TOMM40: variants seen among roughly 807,000 people sequenced by gnomAD.
TOMM40 encodes translocase of outer mitochondrial membrane 40, also known as mitochondrial import receptor subunit TOM40 homolog.
TOMM40 carries 9 observed loss-of-function variants against 38.4 expected under a neutral mutation model. The ratio of observed to expected loss-of-function variants is 0.23; its 90% CI spans 0.14 to 0.41. The LOEUF (loss-of-function observed/expected upper bound fraction) is 0.41. Among genes scored for constraint, TOMM40 ranks in the 10% least tolerant of loss-of-function variants. The pLI is 1.00. For missense variants in TOMM40, 299 were observed against 486.5 expected, an observed-to-expected ratio of 0.61 and a Z score of 3.63; for synonymous variants, 184 against 210.0, an observed-to-expected ratio of 0.88 and a Z score of 1.07.
chr19:44,896,360 C>T (rs961396829), intron 5 of TOMM40, among the ~76,000 whole-genome samples: 1 of 152,200 alleles, frequency 6.6e-6, no homozygotes, highest in African/African-American at 2.4e-5. Flanking sequence ...TCCAGCCCTT[C>T]TGGGCTTCAG....
At position 44,892,857 on chromosome 19, in the gene TOMM40, C is replaced by T. The variant is rs767132298; in HGVS notation, c.363C>T (p.Leu121=). The T allele has an allele frequency of 7.4e-6, 12 of 1,613,852 alleles. No individual in the cohort carries two copies. In the South Asian group the frequency reaches 1.2e-4, roughly 16 times the overall value. Residue 121 remains leucine (L), a synonymous_variant, in exon 3 of 9, where the codon CTC becomes CTT. Transcript: ENST00000426677. ...TCCAGGTCAACCACACAGTAGCCCT[C>T]AGCACAATCGGGGAGTCCAACTACC... The part of the protein sequence containing the change: ...NHFQVNHTVA[L]STIGESNYHF...
In TOMM40 at chr19:44,891,254, C is replaced by A. The variant is rs954368773; in HGVS notation, c.-162C>A. ...GTGGTGGCGGCGGCGGCAGCGGGTT[C>A]GGTTGCGCGTGGCGCACGGGGTGGG... On this transcript the variant is annotated 5_prime_UTR_variant, in exon 1 of 9. Transcript: ENST00000426677. 1.3e-4 allele frequency: 143 copies of A among 1,061,390 alleles called. No homozygotes were observed. The East Asian group carries it at 4.8e-3, about 36-fold the overall frequency. 65.7% of individuals were successfully genotyped at this position (1,061,390 alleles called of 1,614,324 possible). A position where few individuals can be genotyped will look rare whatever the true frequency, so the allele number is the denominator to read the frequency against.
chr19:44,892,452 C>T lies in TOMM40; in HGVS notation c.334C>T (p.His112Tyr), dbSNP rs746102403. The change falls in exon 2 of 9, where the codon CAT becomes TAT. Residue 112 changes from histidine to tyrosine, a missense_variant. Transcript: ENST00000426677. Reference sequence around the variant, plus strand: ...CACAGTCAACAAAGGGTTGAGTAACCATTTTCAGGTGAGCCTTCCTGGTGT... The same window carrying T: ...CACAGTCAACAAAGGGTTGAGTAACTATTTTCAGGTGAGCCTTCCTGGTGT... ...KLTVNKGLSN[H>Y]FQVNHTVALS... The T allele has an allele frequency of 4.0e-5, 64 of 1,612,482 alleles. No individual in the cohort carries two copies. In the Admixed American group the frequency reaches 1.1e-3, roughly 26 times the overall value.
chr19:44,896,809 C>T (rs111690906), intron 5 of TOMM40, among the ~76,000 whole-genome samples: 1 of 152,138 alleles, frequency 6.6e-6, no homozygotes, highest in Non-Finnish European at 1.5e-5. Flanking sequence ...AATCCCAGCA[C>T]TTTGGGAGGC....
chr19:44,902,836 G>T, intron 8 of TOMM40, 194 bp from the exon 9 acceptor site: 1 of 642,950 alleles, frequency 1.6e-6, no homozygotes, highest in Non-Finnish European at 2.5e-6. Context: ...GGGTCACTGA[G>T]CGGAGAGCAG....
rs755296037 is a variant in TOMM40 at position 44,891,719 on chromosome 19, C to A, written c.274+30C>A. 70 of 1,415,356 alleles carry A rather than the reference C, an allele frequency of 4.9e-5. 1 individual carries two copies. Among genetic ancestry groups the A allele is most frequent in the Non-Finnish European group, 6.1e-5 (66 of 1,088,072 alleles). The allele number at this position is 1,415,356 out of a possible 1,614,324, so 87.7% of individuals were successfully genotyped here. On this transcript the variant is annotated intron_variant, in intron 1 of 8. Transcript: ENST00000426677. ...GGGGCGAGGGGCCCCCGCTGGGCTGCGATGGCCTGGATCTCGGGGGAAGGG... is the reference window on the plus strand; with the variant it reads ...GGGGCGAGGGGCCCCCGCTGGGCTGAGATGGCCTGGATCTCGGGGGAAGGG...
chr19:44,903,368 T>A lies in TOMM40; in HGVS notation c.*199T>A. ...CTGAATGGCGCTTCGGGATTCTGAG[T>A]AGCAGGGGCAGCATGCCCAGTGGGC... On this transcript the variant is annotated 3_prime_UTR_variant, in exon 9 of 9. Transcript: ENST00000426677. The A allele has an allele frequency of 1.8e-6, 1 of 563,082 alleles. No individual in the cohort carries two copies. The highest frequency in any genetic ancestry group is 3.0e-6 in the Non-Finnish European group (1 of 333,722). The allele number at this position is 563,082 out of a possible 1,614,324, so 34.9% of individuals were successfully genotyped here. A position where few individuals can be genotyped will look rare whatever the true frequency, so the allele number is the denominator to read the frequency against.
rs575497105 is a variant in TOMM40 at position 44,896,891 on chromosome 19, C to CA, written c.643+2833dup. ...GCAACATAGCAATACCCTGTCTCTA[C>CA]AAAAAAAATTAGAAATTAGGCATAT... is the stretch of plus-strand genomic sequence containing the variant. On this transcript the variant is annotated intron_variant, in intron 5 of 8. Coordinates refer to ENST00000426677, the MANE Select transcript of TOMM40 (RefSeq NM_001128917.2). Among the ~76,000 whole-genome samples, 210 of 152,042 alleles carry CA rather than the reference C, an allele frequency of 1.4e-3. 1 individual carries two copies. Among genetic ancestry groups the CA allele is most frequent in the Non-Finnish European group, 2.6e-3 (178 of 67,962 alleles).
intron 8 of TOMM40, 24 bp from the exon 9 acceptor site, chr19:44,903,004 CCT>C (rs1343914517): frequency 1.9e-6 from 3 of 1,605,554 alleles, no homozygotes; most frequent in African/African-American, 1.3e-5. Flanking sequence ...AGCTGGCACG[CCT>C]CTCACCTCAG....
rs146640981 is a variant in TOMM40 at position 44,892,394 on chromosome 19, G to T, written c.276G>T (p.Glu92Asp). The T allele has an allele frequency of 6.2e-7, 1 of 1,613,760 alleles. No homozygotes were observed. Among genetic ancestry groups the T allele is most frequent in the Non-Finnish European group, 8.5e-7 (1 of 1,180,008 alleles). ...TGTGACAGCGTTTCTCTTCTCCAGAGCTGTTTCCCATTCAGATGGAGGGTG... is the reference window on the plus strand; with the variant it reads ...TGTGACAGCGTTTCTCTTCTCCAGATCTGTTTCCCATTCAGATGGAGGGTG... ...TFEECHRKCK[E>D]LFPIQMEGVK... is the part of the protein sequence containing the mutation. The change falls in exon 2 of 9, where the codon GAG (glutamate) becomes GAT (aspartate). Residue 92 changes from glutamate (E) to aspartate (D), a missense_variant and splice_region_variant. Transcript: ENST00000426677.
chr19:44,896,133 G>A (rs745833400), intron 5 of TOMM40, among the ~76,000 whole-genome samples: 2 of 152,150 alleles, frequency 1.3e-5, no homozygotes, highest in African/African-American at 2.4e-5. Flanking sequence ...TGGTCCTTTC[G>A]TGCTCCCCAG....
chr19:44,896,467 A>G (rs934344313), intron 5 of TOMM40, among the ~76,000 whole-genome samples: 1 of 152,180 alleles, frequency 6.6e-6, no homozygotes, highest in African/African-American at 2.4e-5. Context: ...ACTGGGCCAC[A>G]TGCACAGTCA....
chr19:44,891,817 G>A lies in TOMM40; in HGVS notation c.274+128G>A, dbSNP rs568802408. On this transcript the variant is annotated intron_variant, in intron 1 of 8. Coordinates refer to ENST00000426677, the MANE Select transcript of TOMM40 (RefSeq NM_001128917.2). Reference sequence around the variant, plus strand: ...TTAACAGCACTAGGAGGTGATGTTGGGATCGAATGGTGGAACGTTGGACTT... The same window carrying A: ...TTAACAGCACTAGGAGGTGATGTTGAGATCGAATGGTGGAACGTTGGACTT... 8.1e-5 allele frequency: 83 copies of A among 1,029,314 alleles called. No individual in the cohort carries two copies. The South Asian group carries it at 1.9e-3, about 24-fold the overall frequency. The allele number at this position is 1,029,314 out of a possible 1,614,324, so 63.8% of individuals were successfully genotyped here. A position where few individuals can be genotyped will look rare whatever the true frequency, so the allele number is the denominator to read the frequency against.
At chr19:44,901,537 C>T (rs1486546597) in intron 8 of TOMM40, 1 of 1,168,152 alleles carries the variant, frequency 8.6e-7, no homozygotes, top group East Asian at 2.6e-5. Context: ...GAGATTGAGA[C>T]CATCCTGGCT....
At chr19:44,892,346 G>T (rs1414522693) in intron 1 of TOMM40, 47 bp from the exon 2 acceptor site, 1 of 1,572,250 alleles carries the variant, frequency 6.4e-7, no homozygotes, top group Non-Finnish European at 8.8e-7. Flanking sequence ...AGAGATGAGA[G>T]TTGGTGTGGG....
At chr19:44,900,614 G>A (rs1969660524) in intron 5 of TOMM40, 116 bp from the exon 6 acceptor site, 3 of 1,584,260 alleles carry the variant, frequency 1.9e-6, no homozygotes, top group Non-Finnish European at 2.6e-6. Context: ...AGCCCTTGAG[G>A]GAGGCCTGAG....
At chr19:44,894,100 A>G in intron 5 of TOMM40, 34 bp downstream of exon 5, 1 of 1,455,484 alleles carries the variant, frequency 6.9e-7, no homozygotes. Context: ...GTGGTCACAA[A>G]ACTGCAGTTC....
intron 5 of TOMM40, among the ~76,000 whole-genome samples, chr19:44,898,525 C>CTTTTTTTTTTT (rs71173106): frequency 2.9e-4 from 26 of 88,990 alleles, no homozygotes; most frequent in Admixed American, 4.2e-4. Context: ...TTTTTTTTTT[C>CTTTTTTTTTTT]TTTTTTTTTT....
intron 5 of TOMM40, among the ~76,000 whole-genome samples, chr19:44,894,709 T>C (rs1284402573): frequency 6.6e-6 from 1 of 152,192 alleles, no homozygotes; most frequent in East Asian, 1.9e-4. Flanking sequence ...ATGACAGGCG[T>C]GAGCCACCTC....
Sources: gnomAD v4.1 joint callset for allele counts (sites outside exome capture counted in the v4.1 genomes callset) on GRCh38, gnomAD v4.1.1 for gene constraint, MANE v1.5 for transcripts, NCBI Gene and HGNC (gene_info 2026-07-23, HGNC 2026-07-21) for gene names.